Variants in GOLGB1 observed in about 807,000 individuals in gnomAD.
GOLGB1 encodes golgin B1.
GOLGB1 carries 174 observed loss-of-function variants against 336.9 expected under a neutral mutation model. That is an observed-to-expected ratio of 0.52 (90% CI 0.46 to 0.59). The LOEUF (loss-of-function observed/expected upper bound fraction) is 0.59. Among genes scored for constraint, GOLGB1 ranks in the 20% least tolerant of loss-of-function variants. The pLI is 0.00. For synonymous variants in GOLGB1, 1,208 were observed against 1,289.2 expected, an observed-to-expected ratio of 0.94 and a Z score of 1.35; for missense variants, 3,331 against 3,645.3, an observed-to-expected ratio of 0.91 and a Z score of 2.22.
chr3:121,742,023 C>T (rs925272000), intron 1 of GOLGB1, among the ~76,000 whole-genome samples: 1 of 151,980 alleles, frequency 6.6e-6, no homozygotes, highest in African/African-American at 2.4e-5. Context: ...AGAATTACAG[C>T]ACACTGGGCC....
chr3:121,665,119 A>G (rs1365299688), intron 20 of GOLGB1, 88 bp from the exon 21 acceptor site: 6 of 753,148 alleles, frequency 8.0e-6, no homozygotes, highest in Non-Finnish European at 1.2e-5. Flanking sequence ...CTGCCACACA[A>G]TGCAGCACAG....
chr3:121,694,882 G>T lies in GOLGB1; in HGVS notation c.5641C>A (p.Gln1881Lys). 1 of 1,613,166 alleles carries T rather than the reference G, an allele frequency of 6.2e-7. No homozygotes were observed. The highest frequency in any genetic ancestry group is 1.1e-5 in the South Asian group (1 of 91,046). ...LENEKNTLLS[Q>K]ISTKDGELKM... ...AGTTCACCATCCTTTGTTGATATCT[G>T]ACTCAGTAAGGTATTTTTCTCATTT... Residue 1881 changes from glutamine (Q) to lysine (K), a missense_variant, in exon 13 of 22, where the codon CAG becomes AAG. Physicochemically the swap from Gln to Lys is moderately conservative, Grantham distance 53. Transcript: ENST00000614479.
chr3:121,667,588 G>A lies in GOLGB1; in HGVS notation c.9442C>T (p.Leu3148=), dbSNP rs758075636. 7.4e-6 allele frequency: 12 copies of A among 1,613,720 alleles called. No individual in the cohort carries two copies. The East Asian group carries it at 2.5e-4, about 33-fold the overall frequency. The part of the protein sequence containing the change: ...QQSFSEAQQQ[L]CNTRQEVNEL... ...TTCACTTCCTGTCTGGTGTTGCATA[G>A]CTGCTGCTGAGCTTCAGAAAAGCTT... The change falls in exon 20 of 22, where the codon CTA becomes TTA. Residue 3148 remains leucine (L), a synonymous_variant. Transcript: ENST00000614479.
chr3:121,690,831 T>C lies in GOLGB1; in HGVS notation c.8533A>G (p.Ser2845Gly). 6.2e-7 allele frequency: 1 copy of C among 1,610,480 alleles called. No individual in the cohort carries two copies. The highest frequency in any genetic ancestry group is 1.7e-4 in the Middle Eastern group (1 of 6,026). ...AGGTGATCTCTCTCATTCTGCAGAC[T>C]GGCCATAGCCTTGGAAAAGGACTGC... is the stretch of plus-strand genomic sequence containing the variant. ...QVQSFSKAMA[S>G]LQNERDHLWN... Residue 2845 changes from serine to glycine, a missense_variant, in exon 14 of 22, where the codon AGT (serine) becomes GGT (glycine). Ser to Gly is a moderately conservative substitution (Grantham distance 56). Coordinates refer to ENST00000614479, the MANE Select transcript of GOLGB1 (RefSeq NM_001366282.2).
intron 19 of GOLGB1, 112 bp from the exon 20 acceptor site, chr3:121,667,722 G>A: frequency 1.1e-6 from 1 of 895,078 alleles, no homozygotes; most frequent in Non-Finnish European, 1.7e-6. Flanking sequence ...ATAGAAGCTT[G>A]TCTAAACACA....
chr3:121,681,827 C>T lies in GOLGB1; in HGVS notation c.8733G>A (p.Gln2911=). 6.2e-7 allele frequency: 1 copy of T among 1,607,684 alleles called. No homozygotes were observed. The highest frequency in any genetic ancestry group is 8.5e-7 in the Non-Finnish European group (1 of 1,174,844). Residue 2911 remains glutamine (Q), a synonymous_variant, in exon 15 of 22, where the codon CAG becomes CAA. Transcript: ENST00000614479. ...GTAACTCAGTGATCTCTTGATTAAT[C>T]TGTAAGTATTGCTGCTGCAGATTCT... ...ELKNLQQQYL[Q]INQEITELHP...
intron 21 of GOLGB1, 114 bp from the exon 22 acceptor site, chr3:121,664,728 T>C: frequency 9.6e-7 from 1 of 1,040,042 alleles, no homozygotes; most frequent in Non-Finnish European, 1.5e-6. Context: ...GAAAGGGGTA[T>C]TCTGAGAGGA....
intron 20 of GOLGB1, among the ~76,000 whole-genome samples, chr3:121,667,134 G>A (rs1428855000): frequency 1.3e-5 from 2 of 152,134 alleles, no homozygotes; most frequent in African/African-American, 4.8e-5. Context: ...GATTTCCATG[G>A]ATTCAGATCT....
rs899777284 is a variant in GOLGB1, at chr3:121,695,529, G to T, written c.4994C>A (p.Thr1665Lys). 1.9e-6 allele frequency: 3 copies of T among 1,613,640 alleles called. No individual in the cohort carries two copies. Among genetic ancestry groups the T allele is most frequent in the Non-Finnish European group, 8.5e-7 (1 of 1,179,952 alleles). Residue 1665 changes from threonine to lysine, a missense_variant, in exon 13 of 22, where the codon ACA becomes AAA. Physicochemically the swap from Thr to Lys is moderately conservative, Grantham distance 78 (BLOSUM62 -1). Transcript: ENST00000614479. ...CTCAGCTTCCTGCAACTGCTTTTCTGTCTCCTTCTTGTTTGCCTCTGTGCT... is the reference window on the plus strand; with the variant it reads ...CTCAGCTTCCTGCAACTGCTTTTCTTTCTCCTTCTTGTTTGCCTCTGTGCT... ...LRSTEANKKE[T>K]EKQLQEAEQE...
intron 5 of GOLGB1, among the ~76,000 whole-genome samples, chr3:121,723,059 A>C (rs1156908437): frequency 6.6e-6 from 1 of 152,236 alleles, no homozygotes; most frequent in Non-Finnish European, 1.5e-5. Flanking sequence ...GCAGAAAAGG[A>C]ATTAAAGAGA....
chr3:121,727,316 ATATATTTTT>A (rs1354170154), intron 4 of GOLGB1, among the ~76,000 whole-genome samples: 20 of 36,080 alleles, frequency 5.5e-4, no homozygotes, highest in African/African-American at 6.2e-4. Flanking sequence ...ATATATATAT[ATATATTTTT>A]TTTTTTTTTT....
intron 9 of GOLGB1, among the ~76,000 whole-genome samples, chr3:121,715,369 ATTTT>A (rs373634444): frequency 7.8e-6 from 1 of 128,592 alleles, no homozygotes; most frequent in African/African-American, 3.0e-5. Context: ...TGCCTGGCTA[ATTTT>A]TTTTTTTTTT....
chr3:121,707,809 T>G (rs1944015395), intron 10 of GOLGB1, among the ~76,000 whole-genome samples: 1 of 152,282 alleles, frequency 6.6e-6, no homozygotes, highest in Middle Eastern at 3.4e-3. Flanking sequence ...CACTTTACAA[T>G]GGCAGAGTTG....
chr3:121,697,446 T>G lies in GOLGB1; in HGVS notation c.3077A>C (p.Asp1026Ala). 1 of 1,611,336 alleles carries G rather than the reference T, an allele frequency of 6.2e-7. No individual in the cohort carries two copies. Among genetic ancestry groups the G allele is most frequent in the Non-Finnish European group, 8.5e-7 (1 of 1,179,472 alleles). ...GAGTGGGATTTCTTTCTTAGATTCA[T>G]CTTTCAAGTTGGCTAATTCTTCTTC... ...RLEEELANLK[D>A]ESKKEIPLSE... Residue 1026 changes from aspartate to alanine, a missense_variant, in exon 13 of 22, where the codon GAT (aspartate) becomes GCT (alanine). Asp to Ala is a moderately radical substitution (Grantham distance 126, BLOSUM62 -2). Transcript: ENST00000614479.
Position 121,695,605 on chromosome 3 carries a change from C to T in GOLGB1, c.4918G>A (p.Val1640Met), listed in dbSNP as rs2107832817. ...VSNEAERIQH[V>M]VEAVRQEKQE... ...TTCTCTTGCCTCACAGCTTCCACCACATGCTGAATCCTTTCTGCTTCATTA... is the reference window on the plus strand; with the variant it reads ...TTCTCTTGCCTCACAGCTTCCACCATATGCTGAATCCTTTCTGCTTCATTA... Residue 1640 changes from valine (V) to methionine (M), a missense_variant, in exon 13 of 22, where the codon GTG becomes ATG. Physicochemically the swap from Val to Met is conservative, Grantham distance 21. Coordinates refer to ENST00000614479, the MANE Select transcript of GOLGB1 (RefSeq NM_001366282.2). 1 of 1,614,052 alleles carries T rather than the reference C, an allele frequency of 6.2e-7. No individual in the cohort carries two copies. Among genetic ancestry groups the T allele is most frequent in the East Asian group, 2.2e-5 (1 of 44,874 alleles).
In GOLGB1 at chr3:121,695,054, C is replaced by T. The variant is rs748980653; in HGVS notation, c.5469G>A (p.Ala1823=). 7.6e-5 allele frequency: 123 copies of T among 1,613,930 alleles called. 1 individual carries two copies. In the East Asian group the frequency reaches 2.0e-3, roughly 26 times the overall value. The change falls in exon 13 of 22, where the codon GCG becomes GCA. Residue 1823 remains alanine (A), a synonymous_variant. Coordinates refer to ENST00000614479, the MANE Select transcript of GOLGB1 (RefSeq NM_001366282.2). The stretch of plus-strand genomic sequence containing the variant: ...TACTTACAGCAGGGTTGGCACTCTT[C>T]GCTGATGGAACCGATTCTGAACATG... ...RPTCSESVPS[A]KSANPAVSKD...
At chr3:121,718,579 G>A in intron 7 of GOLGB1, 78 bp from the exon 8 acceptor site, 1 of 1,024,246 alleles carries the variant, frequency 9.8e-7, no homozygotes, top group Non-Finnish European at 1.5e-6. Flanking sequence ...ATGTCATGTA[G>A]ATTTGTATAC....
Position 121,719,642 on chromosome 3 carries a change from A to G in GOLGB1, c.771+4T>C, listed in dbSNP as rs766385350. ...AGTCATTCTACCGAGTTTTAGCAAC[A>G]CACCTGTTGCATCTCTGTTTCCACA... On this transcript the variant is annotated splice_donor_region_variant and intron_variant, in intron 7 of 21. Coordinates refer to ENST00000614479, the MANE Select transcript of GOLGB1 (RefSeq NM_001366282.2). 1.9e-6 allele frequency: 3 copies of G among 1,601,306 alleles called. No individual in the cohort carries two copies. The highest frequency in any genetic ancestry group is 1.7e-6 in the Non-Finnish European group (2 of 1,174,158).
chr3:121,748,021 A>G (rs928905857), intron 1 of GOLGB1, among the ~76,000 whole-genome samples: 1 of 152,036 alleles, frequency 6.6e-6, no homozygotes, highest in Non-Finnish European at 1.5e-5. Context: ...AACAAGGATA[A>G]AGTCAACATC....
Sources: gnomAD v4.1 joint callset for allele counts (sites outside exome capture counted in the v4.1 genomes callset) on GRCh38, gnomAD v4.1.1 for gene constraint, MANE v1.5 for transcripts, NCBI Gene and HGNC (gene_info 2026-07-23, HGNC 2026-07-21) for gene names.